TTBK1: variants seen among roughly 807,000 people sequenced by gnomAD.
TTBK1 encodes the protein tau-tubulin kinase 1.
In TTBK1, 34 loss-of-function variants were observed where a neutral mutation model predicts 108.5. The ratio of observed to expected loss-of-function variants is 0.31; its 90% CI spans 0.24 to 0.42. The LOEUF (loss-of-function observed/expected upper bound fraction) is 0.42, where lower values mean the gene tolerates loss of function less well. Among genes scored for constraint, TTBK1 ranks in the 10% least tolerant of loss-of-function variants. The pLI, the probability that TTBK1 is intolerant of heterozygous loss-of-function variation, is 1.00. For synonymous variants in TTBK1, 809 were observed against 795.1 expected (o/e 1.02, Z -0.29); for missense variants, 1,539 against 1,826.0 (o/e 0.84, Z 2.86).
chr6:43,254,353 G>C (rs531988093), intron 5 of TTBK1, among the ~76,000 whole-genome samples, 194 bp from the exon 6 acceptor site: 1 of 152,386 alleles, frequency 6.6e-6, no homozygotes, highest in African/African-American at 2.4e-5. Flanking sequence ...TCTCTAAAAT[G>C]GGGATGATCA....
intron 14 of TTBK1, among the ~76,000 whole-genome samples, 155 bp from the exon 15 acceptor site, chr6:43,284,828 A>C (rs1377691671): frequency 6.6e-6 from 1 of 152,174 alleles, no homozygotes; most frequent in Non-Finnish European, 1.5e-5. Flanking sequence ...GAGGACAGAG[A>C]GCCAGGCCTC....
At position 43,271,031 on chromosome 6, in the gene TTBK1, C is replaced by T. The variant is rs1053564374; in HGVS notation, c.1986+7681C>T. ...GGGGAAGTGTCAGGATGCCAGCTTGCGCCTGCCTCTTCTGCCCATTTCTCA... is the reference window on the plus strand; with the variant it reads ...GGGGAAGTGTCAGGATGCCAGCTTGTGCCTGCCTCTTCTGCCCATTTCTCA... On this transcript the variant is annotated intron_variant, in intron 13 of 14. Coordinates refer to ENST00000259750, the MANE Select transcript of TTBK1 (RefSeq NM_032538.3). 8.0e-5 allele frequency: 79 copies of T among 985,444 alleles called. 1 individual carries two copies. In the South Asian group the frequency reaches 2.8e-3, roughly 35 times the overall value. The allele number at this position is 985,444 out of a possible 1,614,324, so 61.0% of individuals were successfully genotyped here. A position where few individuals can be genotyped will look rare whatever the true frequency, so the allele number is the denominator to read the frequency against.
rs1031379586 is a variant in TTBK1 at position 43,269,429 on chromosome 6, G to A, written c.1986+6079G>A. ...ATAGTGTGAGAAGTTCCAGAGAGAA[G>A]GAGGAGGGGGAAGGGCGTTGGAGGC... On this transcript the variant is annotated intron_variant, in intron 13 of 14. Coordinates refer to ENST00000259750, the MANE Select transcript of TTBK1 (RefSeq NM_032538.3). This position sits in a 1 kb window ranked among gnomAD's most constrained non-coding sequence, Gnocchi z 4.8. Among the ~76,000 whole-genome samples, 8 of 152,234 alleles carry A rather than the reference G, an allele frequency of 5.3e-5. No homozygotes were observed. The highest frequency in any genetic ancestry group is 7.3e-5 in the Non-Finnish European group (5 of 68,048).
At chr6:43,279,690 C>T (rs539989657) in intron 13 of TTBK1, among the ~76,000 whole-genome samples, 79 of 152,174 alleles carry the variant, frequency 5.2e-4, no homozygotes, top group Non-Finnish European at 7.9e-4. Flanking sequence ...TTAATAAGAA[C>T]GAATATTGTG....
intron 13 of TTBK1, chr6:43,270,379 G>A (rs574625401): frequency 4.9e-5 from 49 of 1,004,702 alleles, no homozygotes; most frequent in Non-Finnish European, 5.2e-5. Flanking sequence ...GATCCACCCC[G>A]AGGGGCTGGC....
intron 2 of TTBK1, among the ~76,000 whole-genome samples, chr6:43,248,881 C>T (rs1777166539): frequency 6.6e-6 from 1 of 152,108 alleles, no homozygotes; most frequent in Non-Finnish European, 1.5e-5. Flanking sequence ...GAATAGCAAA[C>T]AATAATAGTA....
chr6:43,270,648 C>G lies in TTBK1; in HGVS notation c.1986+7298C>G, dbSNP rs563600772. ...CAGTCCATGGTAGGCTGCCCCTCCC[C>G]CAAGACACCTGTGCCATCACTCCCT... is the stretch of plus-strand genomic sequence containing the variant. On this transcript the variant is annotated intron_variant, in intron 13 of 14. Transcript: ENST00000259750. 122 of 985,360 alleles carry G rather than the reference C, an allele frequency of 1.2e-4. 1 individual carries two copies. The highest frequency in any genetic ancestry group is 1.2e-3 in the Admixed American group (19 of 16,274). 61.0% of individuals were successfully genotyped at this position (985,360 alleles called of 1,614,324 possible).
rs1440059263 is a variant in TTBK1, at chr6:43,257,326, C to T, written c.862-486C>T. 6.6e-6 allele frequency among the ~76,000 whole-genome samples: 1 copy of T among 152,172 alleles called. No individual in the cohort carries two copies. The highest frequency in any genetic ancestry group is 1.5e-5 in the Non-Finnish European group (1 of 68,030). ...TAGGGATGCAGAGTTGACAGATAGG[C>T]ATGTGGACAATTCAAACTGATGCAC... On this transcript the variant is annotated intron_variant, in intron 9 of 14. Coordinates refer to ENST00000259750, the MANE Select transcript of TTBK1 (RefSeq NM_032538.3). The surrounding 1 kb of genome is among the most constrained non-coding windows in gnomAD (Gnocchi z 4.5).
At chr6:43,255,694 G>T in intron 8 of TTBK1, 37 bp from the exon 9 acceptor site, 1 of 1,614,144 alleles carries the variant, frequency 6.2e-7, no homozygotes, top group Non-Finnish European at 8.5e-7. Context: ...TGTCAGGGCA[G>T]CTGGGACTCC....
intron 2 of TTBK1, among the ~76,000 whole-genome samples, chr6:43,252,019 G>A (rs1384383767): frequency 6.6e-6 from 1 of 152,144 alleles, no homozygotes; most frequent in East Asian, 1.9e-4. Context: ...CTTCTGGATA[G>A]GGGTCGCTCA....
chr6:43,274,131 A>G (rs1291722229), intron 13 of TTBK1, among the ~76,000 whole-genome samples: 2 of 152,176 alleles, frequency 1.3e-5, no homozygotes, highest in Non-Finnish European at 2.9e-5. Flanking sequence ...TGCGCTAGTA[A>G]ATTTTCGATA....
At position 43,286,610 on chromosome 6, in the gene TTBK1, G is replaced by C. The variant is rs911944540; in HGVS notation, c.*1234G>C. On this transcript the variant is annotated 3_prime_UTR_variant, in exon 15 of 15. Transcript: ENST00000259750. The surrounding 1 kb of genome is among the most constrained non-coding windows in gnomAD (Gnocchi z 4.6). Reference sequence around the variant, plus strand: ...TCTAACTTCCAGATTGTATGCTTGAGTGATGGGTCCCCAGCCCAAGCCCAC... The same window carrying C: ...TCTAACTTCCAGATTGTATGCTTGACTGATGGGTCCCCAGCCCAAGCCCAC... The C allele has an allele frequency of 1.3e-5, 2 of 152,436 alleles. No individual in the cohort carries two copies. Among genetic ancestry groups the C allele is most frequent in the Non-Finnish European group, 2.9e-5 (2 of 68,188 alleles). The allele number at this position is 152,436 out of a possible 1,614,324, so 9.4% of individuals were successfully genotyped here.
Position 43,259,320 on chromosome 6 carries a change from A to T in TTBK1, c.1248+51A>T. The T allele has an allele frequency of 6.9e-7, 1 of 1,454,378 alleles. No homozygotes were observed. Among genetic ancestry groups the T allele is most frequent in the Non-Finnish European group, 9.3e-7 (1 of 1,077,286 alleles). 90.1% of individuals were successfully genotyped at this position (1,454,378 alleles called of 1,614,324 possible). A position where few individuals can be genotyped will look rare whatever the true frequency, so the allele number is the denominator to read the frequency against. ...TGGGTGGCCTTTTCTCTCACCCCCG[A>T]TTCCCAGCCTTGTGCCCCTGCCCTG... On this transcript the variant is annotated intron_variant, in intron 11 of 14. Coordinates refer to ENST00000259750, the MANE Select transcript of TTBK1 (RefSeq NM_032538.3). This position sits in a 1 kb window ranked among gnomAD's most constrained non-coding sequence, Gnocchi z 6.7.
intron 13 of TTBK1, among the ~76,000 whole-genome samples, chr6:43,279,086 C>A (rs930471366): frequency 6.6e-6 from 1 of 152,154 alleles, no homozygotes; most frequent in African/African-American, 2.4e-5. Context: ...AAATCCATGC[C>A]CCTCTCTGTG....
rs751481778 is a variant in TTBK1, at chr6:43,257,769, C to A, written c.862-43C>A. 4.4e-6 allele frequency: 7 copies of A among 1,581,816 alleles called. No homozygotes were observed. The highest frequency in any genetic ancestry group is 6.0e-6 in the Non-Finnish European group (7 of 1,159,432). On this transcript the variant is annotated intron_variant, in intron 9 of 14. Coordinates refer to ENST00000259750, the MANE Select transcript of TTBK1 (RefSeq NM_032538.3). The surrounding 1 kb of genome is among the most constrained non-coding windows in gnomAD (Gnocchi z 4.5). Reference sequence around the variant, plus strand: ...ACTGCCCCTTCCTCCTGGCTAGCCCCCGGATCACCTCTCTGTCCTCCCATC... The same window carrying A: ...ACTGCCCCTTCCTCCTGGCTAGCCCACGGATCACCTCTCTGTCCTCCCATC...
Position 43,253,449 on chromosome 6 carries a change from G to A in TTBK1, c.330+85G>A. 6.2e-7 allele frequency: 1 copy of A among 1,600,826 alleles called. No individual in the cohort carries two copies. Among genetic ancestry groups the A allele is most frequent in the Non-Finnish European group, 8.5e-7 (1 of 1,171,360 alleles). The stretch of plus-strand genomic sequence containing the variant: ...GTAGGGGAAGGGAAGGTAGACTGTG[G>A]CCCTGGGAAAGGGCAGTGGGCACAA... On this transcript the variant is annotated intron_variant, in intron 4 of 14. Transcript: ENST00000259750. This position sits in a 1 kb window ranked among gnomAD's most constrained non-coding sequence, Gnocchi z 5.8.
rs1777019698 is a variant in TTBK1 at position 43,243,866 on chromosome 6, C to T, written c.-55+158C>T. Among the ~76,000 whole-genome samples, 2 of 152,232 alleles carry T rather than the reference C, an allele frequency of 1.3e-5. No individual in the cohort carries two copies. Among genetic ancestry groups the T allele is most frequent in the South Asian group, 2.1e-4 (1 of 4,832 alleles). On this transcript the variant is annotated intron_variant, in intron 1 of 14. Transcript: ENST00000259750. This position sits in a 1 kb window ranked among gnomAD's most constrained non-coding sequence, Gnocchi z 5.5. Reference sequence around the variant, plus strand: ...GGACGCTGGCCTACACCGCCTGGGCCGCGCCGAGGCCTGGAGCCGCTCCCT... The same window carrying T: ...GGACGCTGGCCTACACCGCCTGGGCTGCGCCGAGGCCTGGAGCCGCTCCCT...
At chr6:43,270,826 G>T in intron 13 of TTBK1, 1 of 985,472 alleles carries the variant, frequency 1.0e-6, no homozygotes, top group Middle Eastern at 5.2e-4. Flanking sequence ...GATGACGTGA[G>T]AAACCATGTG....
At position 43,283,173 on chromosome 6, in the gene TTBK1, C is replaced by T. The variant is rs370672733; in HGVS notation, c.2433C>T (p.Asp811=). ...GTGCCCCGTCCACGCTGCTGGCAGACGATCAGAAGGAGTCCAGGGGCCGGG... is the reference window on the plus strand; with the variant it reads ...GTGCCCCGTCCACGCTGCTGGCAGATGATCAGAAGGAGTCCAGGGGCCGGG... ...QEGAPSTLLA[D]DQKESRGRAS... is the part of the protein sequence containing the mutation. The change falls in exon 14 of 15, where the codon GAC becomes GAT. Residue 811 remains aspartate (D), a synonymous_variant. Transcript: ENST00000259750. The surrounding 1 kb of genome is among the most constrained non-coding windows in gnomAD (Gnocchi z 8.1). The T allele has an allele frequency of 3.9e-5, 60 of 1,557,372 alleles. No individual in the cohort carries two copies. The highest frequency in any genetic ancestry group is 5.0e-5 in the Non-Finnish European group (58 of 1,151,194).
Sources: gnomAD v4.1 joint callset for allele counts (sites outside exome capture counted in the v4.1 genomes callset) on GRCh38, gnomAD v4.1.1 for gene constraint, Gnocchi (gnomAD v3.1) non-coding constraint, MANE v1.5 for transcripts, NCBI Gene and HGNC (gene_info 2026-07-23, HGNC 2026-07-21) for gene names.